RGS8: variants seen among roughly 807,000 people sequenced by gnomAD.
The protein encoded by RGS8 is regulator of G protein signaling 8, also known as regulator of G-protein signaling 8.
Under a neutral mutation model 21.7 loss-of-function variants are expected in RGS8, and 8 were observed. The observed-to-expected ratio is 0.37, with a 90% CI of 0.22 to 0.66. The LOEUF is 0.66. Among genes scored for constraint, RGS8 ranks in the 30% least tolerant of loss-of-function variants. The pLI is 0.59. For synonymous variants in RGS8, 80 were observed against 83.6 expected, an observed-to-expected ratio of 0.96 and a Z score of 0.24; for missense variants, 157 against 217.9, an observed-to-expected ratio of 0.72 and a Z score of 1.76.
At chr1:182,738,826 G>A in the RGS8 span, among the ~76,000 whole-genome samples, 4 of 152,222 alleles carry the variant, frequency 2.6e-5, no homozygotes, top group Non-Finnish European at 4.4e-5. Context: ...GGTCCATTTA[G>A]GGGTTAGGGC....
At chr1:182,752,365 A>G in the RGS8 span, among the ~76,000 whole-genome samples, 1 of 152,170 alleles carries the variant, frequency 6.6e-6, no homozygotes, top group African/African-American at 2.4e-5. Flanking sequence ...CAGGAACAGC[A>G]TTTCCTGGTA....
intron 5 of RGS8, among the ~76,000 whole-genome samples, chr1:182,664,235 T>C (rs563981250): frequency 6.6e-6 from 1 of 152,142 alleles, no homozygotes; most frequent in Non-Finnish European, 1.5e-5. Flanking sequence ...ATTTGTAATA[T>C]TATTCTCAAG....
At chr1:182,661,846 A>ACT (rs1553219711) in intron 5 of RGS8, among the ~76,000 whole-genome samples, 23 of 147,918 alleles carry the variant, frequency 1.6e-4, no homozygotes, top group African/African-American at 5.1e-4. Flanking sequence ...ACACACACAC[A>ACT]CTCTTGGGGC....
At chr1:182,711,851 T>C in the RGS8 span, among the ~76,000 whole-genome samples, 1 of 152,228 alleles carries the variant, frequency 6.6e-6, no homozygotes, top group African/African-American at 2.4e-5. Context: ...TCCCATCATA[T>C]TAATCTCTGT....
At chr1:182,676,894 A>T (rs917550368), upstream of RGS8, among the ~76,000 whole-genome samples, 1 of 152,212 alleles carries the variant, frequency 6.6e-6, no homozygotes, top group African/African-American at 2.4e-5. Context: ...TGTAAAACAC[A>T]AATTAACACA....
the RGS8 span, among the ~76,000 whole-genome samples, chr1:182,751,398 T>C: frequency 6.6e-6 from 1 of 152,186 alleles, no homozygotes; most frequent in African/African-American, 2.4e-5. Flanking sequence ...GAGAACCCTA[T>C]TAGGTGTCAG....
At chr1:182,750,675 T>C in the RGS8 span, among the ~76,000 whole-genome samples, 3 of 152,210 alleles carry the variant, frequency 2.0e-5, no homozygotes, top group Non-Finnish European at 4.4e-5. Flanking sequence ...TTAAGTTTTA[T>C]CATGCAACAT....
the RGS8 span, among the ~76,000 whole-genome samples, chr1:182,695,862 T>C: frequency 2.0e-5 from 3 of 152,236 alleles, no homozygotes; most frequent in African/African-American, 7.2e-5. Flanking sequence ...TATTGGGTTA[T>C]ATACATTCTG....
At chr1:182,679,804 A>G (rs1448540378) in intron 1 of RGS8, among the ~76,000 whole-genome samples, 2 of 151,810 alleles carry the variant, frequency 1.3e-5, no homozygotes, top group Non-Finnish European at 2.9e-5. Flanking sequence ...CGCCGCCCTC[A>G]CCACGCCCAC....
the RGS8 span, among the ~76,000 whole-genome samples, chr1:182,739,312 G>A: frequency 2.0e-5 from 3 of 152,276 alleles, no homozygotes; most frequent in African/African-American, 4.8e-5. Flanking sequence ...TTTCTGAGGG[G>A]CTTCGCACAG....
At chr1:182,693,193 A>G in the RGS8 span, among the ~76,000 whole-genome samples, 1 of 152,250 alleles carries the variant, frequency 6.6e-6, no homozygotes, top group Non-Finnish European at 1.5e-5. Context: ...GACAACATAA[A>G]GAATGGGAGA....
At chr1:182,725,432 C>A in the RGS8 span, among the ~76,000 whole-genome samples, 1 of 152,174 alleles carries the variant, frequency 6.6e-6, no homozygotes, top group Non-Finnish European at 1.5e-5. Context: ...ACTTCTTAGA[C>A]CAACAAGAGC....
chr1:182,689,302 CACA>C (rs1557906960), upstream of RGS8, among the ~76,000 whole-genome samples: 23 of 140,426 alleles, frequency 1.6e-4, no homozygotes, highest in Admixed American at 4.3e-4. Context: ...CACACACACA[CACA>C]CCCCACAAGT....
the RGS8 span, among the ~76,000 whole-genome samples, chr1:182,744,657 A>G: frequency 1.3e-5 from 2 of 152,260 alleles, no homozygotes; most frequent in Non-Finnish European, 2.9e-5. Context: ...TATTCAGTAC[A>G]GTAACGTGCT....
At chr1:182,663,571 C>T (rs1192444603) in intron 5 of RGS8, among the ~76,000 whole-genome samples, 1 of 152,144 alleles carries the variant, frequency 6.6e-6, no homozygotes, top group Non-Finnish European at 1.5e-5. Flanking sequence ...CTCCGTCACC[C>T]AGGCTGGAAT....
chr1:182,671,370 A>T (rs1031585416), intron 2 of RGS8, among the ~76,000 whole-genome samples: 4 of 152,224 alleles, frequency 2.6e-5, no homozygotes, highest in South Asian at 2.1e-4. Flanking sequence ...GGAAGTTCAA[A>T]GATCTGATTG....
the RGS8 span, among the ~76,000 whole-genome samples, chr1:182,747,254 A>T: frequency 6.6e-6 from 1 of 151,508 alleles, no homozygotes; most frequent in South Asian, 2.1e-4. Context: ...TTATGAATTG[A>T]ACCAGGAGAT....
At chr1:182,726,982 C>G in the RGS8 span, among the ~76,000 whole-genome samples, 80,606 of 151,918 alleles carry the variant, frequency 0.53, 22,367 homozygotes, top group African/African-American at 0.72. Context: ...ACACCCGCCA[C>G]AGGTTGGAAC....
At chr1:182,654,775 C>T (rs1663186343) in intron 5 of RGS8, among the ~76,000 whole-genome samples, 2 of 151,966 alleles carry the variant, frequency 1.3e-5, no homozygotes, top group African/African-American at 4.8e-5. Flanking sequence ...TTACAATGCA[C>T]CAAAAAGGGA....
Sources: gnomAD v4.1 joint callset for allele counts (sites outside exome capture counted in the v4.1 genomes callset) on GRCh38, gnomAD v4.1.1 for gene constraint, MANE v1.5 for transcripts, NCBI Gene and HGNC (gene_info 2026-07-23, HGNC 2026-07-21) for gene names.